The following SLC22A17 variants were observed in gnomAD, a reference collection of about 807,000 sequenced individuals.
SLC22A17 encodes solute carrier family 22 member 17, also known as 24p3 receptor.
A neutral mutation model predicts 53.6 loss-of-function variants in SLC22A17; 38 were observed. The observed-to-expected ratio is 0.71, with a 90% CI of 0.55 to 0.93. The LOEUF (loss-of-function observed/expected upper bound fraction) is 0.93. Ranked by LOEUF, SLC22A17 falls within the 40% of genes least tolerant of loss-of-function variation. SLC22A17 has a pLI of 0.00. For synonymous variants in SLC22A17, 379 were observed against 353.0 expected, an observed-to-expected ratio of 1.07 and a Z score of -0.82; for missense variants, 704 against 791.0, an observed-to-expected ratio of 0.89 and a Z score of 1.32.
At chr14:23,346,392 T>C in exon 10 of SLC22A17, 2 of 446,318 alleles carry the variant, frequency 4.5e-6, no homozygotes, top group East Asian at 6.8e-5. Flanking sequence ...GTGGATGTCT[T>C]TGGGCGCAGG....
In SLC22A17 at chr14:23,351,567, G is replaced by A. The variant is rs923077992; in HGVS notation, c.704+185C>T. On this transcript the variant is annotated intron_variant, in intron 3 of 9. Transcript: ENST00000397267. ...CGAGTCATTCCCTTGCGCGGAAGAG[G>A]TAGGGAAGGGGTATTTCTTGATGGA... The A allele has an allele frequency of 1.4e-5, 8 of 588,948 alleles. No homozygotes were observed. In the African/African-American group the frequency reaches 1.5e-4, roughly 11 times the overall value. The allele number at this position is 588,948 out of a possible 1,614,324, so 36.5% of individuals were successfully genotyped here.
chr14:23,348,855 C>T lies in SLC22A17; in HGVS notation c.860-184G>A. The T allele has an allele frequency of 3.0e-6, 2 of 655,764 alleles. No homozygotes were observed. Among genetic ancestry groups the T allele is most frequent in the Admixed American group, 3.0e-5 (1 of 33,616 alleles). The allele number at this position is 655,764 out of a possible 1,614,324, so 40.6% of individuals were successfully genotyped here. On this transcript the variant is annotated intron_variant, in intron 4 of 9. Coordinates refer to ENST00000397267, the Ensembl canonical transcript of SLC22A17. This position sits in a 1 kb window ranked among gnomAD's most constrained non-coding sequence, Gnocchi z 4.5. The stretch of plus-strand genomic sequence containing the variant: ...GACTGGGGAGACTGTTCAGCCCTCT[C>T]TCCTCTCCTGCTCAAACCTAGGAGG...
rs754030700 is a variant in SLC22A17, at chr14:23,348,239, A to T, written c.1093T>A (p.Ser365Thr). Residue 365 changes from serine (S) to threonine (T), a missense_variant, in exon 6 of 10, where the codon TCT becomes ACT. Ser to Thr is a moderately conservative substitution (Grantham distance 58). Coordinates refer to ENST00000397267, the Ensembl canonical transcript of SLC22A17. The surrounding 1 kb of genome is among the most constrained non-coding windows in gnomAD (Gnocchi z 4.5). ...CGCTCAGCCAGGATCCTCAGCACAG[A>T]CTGAGCCTCCTCAATCTGCCGCTTC... 2 of 1,613,968 alleles carry T rather than the reference A, an allele frequency of 1.2e-6. No homozygotes were observed. The highest frequency in any genetic ancestry group is 2.7e-5 in the African/African-American group (2 of 74,908).
chr14:23,347,606 A>C lies in SLC22A17; in HGVS notation c.1403T>G (p.Val468Gly). The stretch of plus-strand genomic sequence containing the variant: ...CCGGCGGCCAAATCGGTCCACGGTG[A>C]CCCCCAGGAAGACACAGGCCAGGGC... Residue 468 changes from valine (V) to glycine (G), a missense_variant, in exon 8 of 10, where the codon GTC (valine) becomes GGC (glycine). Transcript: ENST00000397267. The surrounding 1 kb of genome is among the most constrained non-coding windows in gnomAD (Gnocchi z 5.1). 2 of 1,613,866 alleles carry C rather than the reference A, an allele frequency of 1.2e-6. No individual in the cohort carries two copies. The highest frequency in any genetic ancestry group is 1.7e-6 in the Non-Finnish European group (2 of 1,179,946).
chr14:23,347,749 G>A lies in SLC22A17; in HGVS notation c.1278-18C>T, dbSNP rs879180836. ...CAATGAAGCTGTGAGAAGGGGTGGGGAAGCAACGAACAGAGCCTGAATCCC... is the reference window on the plus strand; with the variant it reads ...CAATGAAGCTGTGAGAAGGGGTGGGAAAGCAACGAACAGAGCCTGAATCCC... On this transcript the variant is annotated intron_variant, in intron 7 of 9. Transcript: ENST00000397267. This position sits in a 1 kb window ranked among gnomAD's most constrained non-coding sequence, Gnocchi z 5.1. 2 of 1,612,162 alleles carry A rather than the reference G, an allele frequency of 1.2e-6. No individual in the cohort carries two copies. The highest frequency in any genetic ancestry group is 1.3e-5 in the African/African-American group (1 of 74,862).
At position 23,347,738 on chromosome 14, in the gene SLC22A17, G is replaced by C. The variant is rs759083718; in HGVS notation, c.1278-7C>G. The C allele has an allele frequency of 1.2e-5, 19 of 1,613,004 alleles. No individual in the cohort carries two copies. The African/African-American group carries it at 2.3e-4, about 19-fold the overall frequency. On this transcript the variant is annotated splice_region_variant and splice_polypyrimidine_tract_variant and intron_variant, in intron 7 of 9. Transcript: ENST00000397267. The surrounding 1 kb of genome is among the most constrained non-coding windows in gnomAD (Gnocchi z 5.1). ...AATGGCATGGGCAATGAAGCTGTGA[G>C]AAGGGGTGGGGAAGCAACGAACAGA...
rs773752428 is a variant in SLC22A17 at position 23,347,488 on chromosome 14, C to A, written c.1521G>T (p.Val507=). ...TGTTGGGGTTCCCTTGTTGAGCCCA[C>A]ACTGTGGGGAAGATAGGATGCTCAC... Residue 507 remains valine, a synonymous_variant, in exon 8 of 10, where the codon GTG becomes GTT. Coordinates refer to ENST00000397267, the Ensembl canonical transcript of SLC22A17. The surrounding 1 kb of genome is among the most constrained non-coding windows in gnomAD (Gnocchi z 5.1). 6.2e-7 allele frequency: 1 copy of A among 1,613,998 alleles called. No individual in the cohort carries two copies. Among genetic ancestry groups the A allele is most frequent in the Non-Finnish European group, 8.5e-7 (1 of 1,179,946 alleles).
chr14:23,346,996 C>A (rs539259094), intron 9 of SLC22A17, 60 bp from the exon 10 acceptor site: 2 of 1,495,472 alleles, frequency 1.3e-6, no homozygotes, highest in Admixed American at 4.5e-5. Flanking sequence ...GCCCTTCTCC[C>A]GCAGCCCCCC....
At chr14:23,349,607 A>G in intron 3 of SLC22A17, 181 bp from the exon 4 acceptor site, 1 of 657,880 alleles carries the variant, frequency 1.5e-6, no homozygotes, top group Non-Finnish European at 2.6e-6. Context: ...ATGCCTGGCT[A>G]CTGGGCACTG....
chr14:23,350,222 T>C (rs886625430), intron 3 of SLC22A17, among the ~76,000 whole-genome samples: 1 of 151,982 alleles, frequency 6.6e-6, no homozygotes, highest in Non-Finnish European at 1.5e-5. Flanking sequence ...GAGAATCGCT[T>C]GAACCTGGGA....
At chr14:23,349,447 C>T in intron 3 of SLC22A17, 21 bp from the exon 4 acceptor site, 1 of 1,604,610 alleles carries the variant, frequency 6.2e-7, no homozygotes, top group Non-Finnish European at 8.5e-7. Flanking sequence ...GGAAGGGCTT[C>T]TGGTCACCCA....
Position 23,352,720 on chromosome 14 carries a change from C to T in SLC22A17, c.22G>A (p.Gly8Arg), listed in dbSNP as rs934188160. The T allele has an allele frequency of 7.5e-6, 3 of 398,952 alleles. No individual in the cohort carries two copies. The highest frequency in any genetic ancestry group is 3.6e-5 in the East Asian group (1 of 28,072). 24.7% of individuals were successfully genotyped at this position (398,952 alleles called of 1,614,324 possible). The change falls in exon 1 of 10, where the codon GGG becomes AGG. Residue 8 changes from glycine (G) to arginine (R), a missense_variant. This residue lies in a region of SLC22A17 where 42 missense variants were observed against 28.2 expected (regional missense o/e 1.49). Coordinates refer to ENST00000397267, the Ensembl canonical transcript of SLC22A17. This position sits in a 1 kb window ranked among gnomAD's most constrained non-coding sequence, Gnocchi z 7.2. ...CCCCCGCCATTGGGCTCGGGGGTCC[C>T]GGTGGCCACCCGGGGAGCCAGCTTG...
chr14:23,349,345 G>A (rs780129256), exon 4 of SLC22A17: 1 of 1,614,050 alleles, frequency 6.2e-7, no homozygotes, highest in Non-Finnish European at 8.5e-7. Flanking sequence ...TGACGCCTGT[G>A]GAGGAGCCTG....
intron 3 of SLC22A17, among the ~76,000 whole-genome samples, chr14:23,350,454 C>G (rs1889551523): frequency 6.6e-6 from 1 of 152,034 alleles, no homozygotes; most frequent in African/African-American, 2.4e-5. Context: ...GGTCACAGAC[C>G]AGGGGAGATG....
At chr14:23,349,562 A>G (rs1335634449) in intron 3 of SLC22A17, 136 bp from the exon 4 acceptor site, 9 of 1,067,120 alleles carry the variant, frequency 8.4e-6, no homozygotes, top group Non-Finnish European at 1.1e-5. Flanking sequence ...CAGAGGCTTG[A>G]GAAGATGGGG....
At position 23,351,883 on chromosome 14, in the gene SLC22A17, C is replaced by A. The variant is rs766847637; in HGVS notation, c.601-28G>T. On this transcript the variant is annotated intron_variant, in intron 2 of 9. Transcript: ENST00000397267. ...GGGGATGTGAGAAGGGTGCAGCGGGCGTGAGGCCCCGCCCTCGCCGCTCTC... is the reference window on the plus strand; with the variant it reads ...GGGGATGTGAGAAGGGTGCAGCGGGAGTGAGGCCCCGCCCTCGCCGCTCTC... The A allele has an allele frequency of 1.1e-5, 18 of 1,611,266 alleles. No individual in the cohort carries two copies. In the East Asian group the frequency reaches 3.6e-4, roughly 32 times the overall value.
chr14:23,351,749 C>T lies in SLC22A17; in HGVS notation c.704+3G>A, dbSNP rs1403560864. 1 of 1,611,954 alleles carries T rather than the reference C, an allele frequency of 6.2e-7. No homozygotes were observed. Among genetic ancestry groups the T allele is most frequent in the African/African-American group, 1.3e-5 (1 of 74,806 alleles). Reference sequence around the variant, plus strand: ...CCAGCCCTGCCCCCACGACAGCCCTCACCTGTCTGCGGGGTAACCCAGGAA... The same window carrying T: ...CCAGCCCTGCCCCCACGACAGCCCTTACCTGTCTGCGGGGTAACCCAGGAA... On this transcript the variant is annotated splice_donor_region_variant and intron_variant, in intron 3 of 9. Transcript: ENST00000397267.
exon 10 of SLC22A17, chr14:23,346,627 GC>G: frequency 6.9e-7 from 1 of 1,458,296 alleles, no homozygotes; most frequent in Non-Finnish European, 9.0e-7. Flanking sequence ...CCAGCCTCCC[GC>G]CAGGGTACTC....
chr14:23,352,501 C>T lies in SLC22A17; in HGVS notation c.97-50G>A, dbSNP rs541072766. 1.2e-3 allele frequency: 490 copies of T among 423,972 alleles called. 12 individuals are homozygous for T. The South Asian group carries it at 0.038, about 33-fold the overall frequency. The allele number at this position is 423,972 out of a possible 1,614,324, so 26.3% of individuals were successfully genotyped here. A position where few individuals can be genotyped will look rare whatever the true frequency, so the allele number is the denominator to read the frequency against. On this transcript the variant is annotated intron_variant, in intron 1 of 9. Transcript: ENST00000397267. The surrounding 1 kb of genome is among the most constrained non-coding windows in gnomAD (Gnocchi z 7.2). The stretch of plus-strand genomic sequence containing the variant: ...GAGAAGGGTGAAGCGGAGGAAACCG[C>T]AGAGCAAGGGCAGGGGGCAGGTGGG...
Sources: gnomAD v4.1 joint callset for allele counts (sites outside exome capture counted in the v4.1 genomes callset) on GRCh38, gnomAD v4.1.1 for gene constraint, gnomAD v4.1.1 regional missense constraint, Gnocchi (gnomAD v3.1) non-coding constraint, MANE v1.5 for transcripts, NCBI Gene and HGNC (gene_info 2026-07-23, HGNC 2026-07-21) for gene names.